Variants in TMEM232 observed in about 807,000 individuals in gnomAD.
TMEM232 encodes transmembrane protein 232.
TMEM232 carries 80 observed loss-of-function variants against 78.8 expected under a neutral mutation model. The observed-to-expected ratio is 1.01, with a 90% CI of 0.85 to 1.22. The LOEUF is 1.22. Among genes scored for constraint, TMEM232 ranks in the 50% most tolerant of loss-of-function variants. The probability of loss-of-function intolerance (pLI) is 0.00; values close to 1 mark genes in which losing one functional copy is unlikely to be tolerated. For synonymous variants in TMEM232, 297 were observed against 254.3 expected, an observed-to-expected ratio of 1.17 and a Z score of -1.60; for missense variants, 881 against 742.2, an observed-to-expected ratio of 1.19 and a Z score of -2.17.
intron 11 of TMEM232, among the ~76,000 whole-genome samples, chr5:110,539,675 T>C (rs890162965): frequency 1.3e-5 from 2 of 152,138 alleles, no homozygotes; most frequent in Non-Finnish European, 2.9e-5. Flanking sequence ...GGATCTGCAA[T>C]TGGAGAATGG....
At chr5:110,432,915 C>G (rs970368422) in intron 12 of TMEM232, among the ~76,000 whole-genome samples, 2 of 151,690 alleles carry the variant, frequency 1.3e-5, no homozygotes, top group African/African-American at 2.4e-5. Context: ...ATAAAGGGTT[C>G]AATTCAACAA....
At chr5:110,720,120 CAG>C (rs1797440839) in intron 1 of TMEM232, among the ~76,000 whole-genome samples, 1 of 152,040 alleles carries the variant, frequency 6.6e-6, no homozygotes, top group African/African-American at 2.4e-5. Flanking sequence ...GGGAGGATTT[CAG>C]AGTTTTTTCT....
chr5:110,408,611 A>G (rs923727758), intron 2 of TMEM232, among the ~76,000 whole-genome samples: 2 of 151,880 alleles, frequency 1.3e-5, no homozygotes, highest in Non-Finnish European at 2.9e-5. Context: ...CAAAACAGAG[A>G]CCCAAAAAAA....
intron 1 of TMEM232, among the ~76,000 whole-genome samples, chr5:110,673,590 A>T (rs1791643062): frequency 6.6e-6 from 1 of 152,184 alleles, no homozygotes; most frequent in Non-Finnish European, 1.5e-5. Context: ...GCATGGAGCA[A>T]TTCAATTCAC....
In TMEM232 at chr5:110,696,207, T is replaced by A. The variant is rs865833013; in HGVS notation, c.-12-28843A>T. Among the ~76,000 whole-genome samples the A allele has an allele frequency of 2.4e-4, 36 of 152,272 alleles. 1 individual carries two copies. The highest frequency in any genetic ancestry group is 2.4e-3 in the Admixed American group (36 of 15,286). Reference sequence around the variant, plus strand: ...AAGAGAACCAAAGACAAAAATCACATGATTATCTCAATAGATGCAGAAAAG... The same window carrying A: ...AAGAGAACCAAAGACAAAAATCACAAGATTATCTCAATAGATGCAGAAAAG... On this transcript the variant is annotated intron_variant, in intron 1 of 13. Transcript: ENST00000455884.
chr5:110,514,897 A>G lies in TMEM232; in HGVS notation c.1703+13691T>C, dbSNP rs1281233977. Among the ~76,000 whole-genome samples the G allele has an allele frequency of 2.0e-5, 3 of 152,314 alleles. No individual in the cohort carries two copies. In the East Asian group the frequency reaches 5.8e-4, roughly 29 times the overall value. ...TTAAGTAGAGAGGTTCAAGGCCTAGAAAAAATAAGTTCACTAATGAAAATC... is the reference window on the plus strand; with the variant it reads ...TTAAGTAGAGAGGTTCAAGGCCTAGGAAAAATAAGTTCACTAATGAAAATC... On this transcript the variant is annotated intron_variant, in intron 12 of 13. Coordinates refer to ENST00000455884, the MANE Select transcript of TMEM232 (RefSeq NM_001039763.4).
chr5:110,662,018 T>C (rs1000609980), intron 2 of TMEM232, among the ~76,000 whole-genome samples: 1 of 152,206 alleles, frequency 6.6e-6, no homozygotes, highest in African/African-American at 2.4e-5. Flanking sequence ...ATTAGGGTGT[T>C]TGAGTTCTTC....
At chr5:110,604,932 G>A (rs1043312239) in intron 10 of TMEM232, among the ~76,000 whole-genome samples, 177 bp downstream of exon 10, 1 of 152,014 alleles carries the variant, frequency 6.6e-6, no homozygotes, top group Non-Finnish European at 1.5e-5. Flanking sequence ...CCGCAGCCTG[G>A]GTGACAGAGT....
chr5:110,465,052 A>G (rs1761928926), intron 12 of TMEM232, among the ~76,000 whole-genome samples: 1 of 152,248 alleles, frequency 6.6e-6, no homozygotes, highest in African/African-American at 2.4e-5. Context: ...GAAAGCTGAG[A>G]TGGTCTAACA....
chr5:110,709,758 C>T (rs1051276463), intron 1 of TMEM232, among the ~76,000 whole-genome samples: 4 of 151,860 alleles, frequency 2.6e-5, no homozygotes. Flanking sequence ...GAATTTATTG[C>T]TATAAATGGC....
At chr5:110,406,705 A>G (rs908060773) in intron 2 of TMEM232, among the ~76,000 whole-genome samples, 9 of 152,130 alleles carry the variant, frequency 5.9e-5, no homozygotes, top group Non-Finnish European at 1.0e-4. Flanking sequence ...TACTATATTT[A>G]TGGTGTATAA....
chr5:110,422,611 G>T (rs949640608), intron 13 of TMEM232, among the ~76,000 whole-genome samples: 1 of 149,162 alleles, frequency 6.7e-6, no homozygotes, highest in African/African-American at 2.5e-5. Context: ...TTCTTGGTTT[G>T]CCAAACAGCA....
chr5:110,685,156 T>C (rs766067837), intron 1 of TMEM232, among the ~76,000 whole-genome samples: 33 of 152,150 alleles, frequency 2.2e-4, no homozygotes, highest in Non-Finnish European at 4.0e-4. Context: ...ATTTGAAAAA[T>C]ATTTAGAATT....
chr5:110,459,986 G>C (rs985536994), intron 12 of TMEM232, among the ~76,000 whole-genome samples: 2 of 152,080 alleles, frequency 1.3e-5, no homozygotes, highest in African/African-American at 4.8e-5. Flanking sequence ...CACGAAGAAA[G>C]GTTGAGAAAC....
At chr5:110,605,063 G>C in intron 10 of TMEM232, 46 bp downstream of exon 10, 1 of 1,464,552 alleles carries the variant, frequency 6.8e-7, no homozygotes, top group Non-Finnish European at 9.1e-7. Context: ...TGTAGACAGT[G>C]ACACTTAAAA....
At chr5:110,662,961 T>C (rs976158545) in intron 2 of TMEM232, among the ~76,000 whole-genome samples, 4 of 152,240 alleles carry the variant, frequency 2.6e-5, no homozygotes, top group African/African-American at 7.2e-5. Flanking sequence ...TCATAAAAGA[T>C]TGATATATCT....
At chr5:110,527,714 A>G (rs1770796109) in intron 12 of TMEM232, among the ~76,000 whole-genome samples, 1 of 151,982 alleles carries the variant, frequency 6.6e-6, no homozygotes, top group Admixed American at 6.5e-5. Context: ...TAATCAATCA[A>G]TCACAGCCTA....
intron 3 of TMEM232, among the ~76,000 whole-genome samples, chr5:110,395,512 G>A (rs1178609846): frequency 6.6e-6 from 1 of 152,094 alleles, no homozygotes; most frequent in Non-Finnish European, 1.5e-5. Flanking sequence ...CTTATTTGAT[G>A]TGCCTGACTT....
At chr5:110,588,928 C>T (rs1397802597) in intron 10 of TMEM232, among the ~76,000 whole-genome samples, 3 of 152,066 alleles carry the variant, frequency 2.0e-5, no homozygotes, top group East Asian at 1.9e-4. Flanking sequence ...GACACACTAA[C>T]TCAGTGTCTG....
Sources: gnomAD v4.1 joint callset for allele counts (sites outside exome capture counted in the v4.1 genomes callset) on GRCh38, gnomAD v4.1.1 for gene constraint, MANE v1.5 for transcripts, NCBI Gene and HGNC (gene_info 2026-07-23, HGNC 2026-07-21) for gene names.